The following IST1 variants were observed in gnomAD, a reference collection of about 807,000 sequenced individuals.
IST1 encodes IST1 homolog.
Under a neutral mutation model 37.0 loss-of-function variants are expected in IST1, and 23 were observed. The observed-to-expected ratio is 0.62, with a 90% confidence interval of 0.45 to 0.88. The LOEUF (loss-of-function observed/expected upper bound fraction) is 0.88, where lower values mean the gene tolerates loss of function less well. IST1 is among the 40% of genes least tolerant of loss of function. The probability of loss-of-function intolerance (pLI) is 0.00; values close to 1 mark genes in which losing one functional copy is unlikely to be tolerated. For synonymous variants in IST1, 180 were observed against 161.7 expected, an observed-to-expected ratio of 1.11 and a Z score of -0.86; for missense variants, 488 against 445.4, an observed-to-expected ratio of 1.10 and a Z score of -0.86.
chr16:71,901,150 T>G (rs2037098602), intron 1 of IST1, among the ~76,000 whole-genome samples: 1 of 152,218 alleles, frequency 6.6e-6, no homozygotes, highest in Admixed American at 6.5e-5. Context: ...TAACAAAGTT[T>G]ATGTTATGTT....
chr16:71,931,015 T>C lies in IST1; in HGVS notation c.*3202T>C, dbSNP rs916773854. On this transcript the variant is annotated 3_prime_UTR_variant, in exon 10 of 10. Transcript: ENST00000378799. ...TCAACCAGATAATGTGGGCAATCTCTGAGTTTGTGATACAAGACTTATTTC... is the reference window on the plus strand; with the variant it reads ...TCAACCAGATAATGTGGGCAATCTCCGAGTTTGTGATACAAGACTTATTTC... The C allele has an allele frequency of 2.6e-5, 4 of 152,252 alleles. No homozygotes were observed. The highest frequency in any genetic ancestry group is 5.9e-5 in the Non-Finnish European group (4 of 68,044). The allele number at this position is 152,252 out of a possible 1,614,324, so 9.4% of individuals were successfully genotyped here. A position where few individuals can be genotyped will look rare whatever the true frequency, so the allele number is the denominator to read the frequency against.
chr16:71,905,769 C>T (rs561464818), intron 1 of IST1, among the ~76,000 whole-genome samples: 8 of 152,312 alleles, frequency 5.3e-5, no homozygotes, highest in African/African-American at 1.9e-4. Flanking sequence ...GATCTCTTTA[C>T]CCTTCTTCCC....
chr16:71,930,237 C>G lies in IST1; in HGVS notation c.*2424C>G, dbSNP rs1460178474. The G allele has an allele frequency of 1.4e-6, 2 of 1,471,334 alleles. No homozygotes were observed. The highest frequency in any genetic ancestry group is 1.4e-5 in the African/African-American group (1 of 70,510). 91.1% of individuals were successfully genotyped at this position (1,471,334 alleles called of 1,614,324 possible). The stretch of plus-strand genomic sequence containing the variant: ...GACTGACAATTTAGTTTATACTTTA[C>G]AAACATAAGCTATATGCTAGTGTTT... On this transcript the variant is annotated 3_prime_UTR_variant, in exon 10 of 10. Transcript: ENST00000378799.
At chr16:71,895,730 T>G (rs1161227731) in intron 1 of IST1, 141 bp downstream of exon 1, 2 of 210,586 alleles carry the variant, frequency 9.5e-6, no homozygotes, top group Non-Finnish European at 1.6e-5. Flanking sequence ...GGAAGGATAG[T>G]GGAAGTGGGG....
At position 71,916,648 on chromosome 16, in the gene IST1, A is replaced by G; in HGVS notation, c.269+6A>G. Reference sequence around the variant, plus strand: ...GGCCTTATCCAGTCTATGAAGTAAGATATTTTGATTCAGAGACCTAAATCA... The same window carrying G: ...GGCCTTATCCAGTCTATGAAGTAAGGTATTTTGATTCAGAGACCTAAATCA... On this transcript the variant is annotated splice_donor_region_variant and intron_variant, in intron 3 of 9. Coordinates refer to ENST00000378799, the MANE Select transcript of IST1 (RefSeq NM_001270975.2). 6.2e-7 allele frequency: 1 copy of G among 1,604,084 alleles called. No homozygotes were observed. Among genetic ancestry groups the G allele is most frequent in the Non-Finnish European group, 8.5e-7 (1 of 1,174,840 alleles).
intron 1 of IST1, among the ~76,000 whole-genome samples, chr16:71,903,417 T>C (rs1045274000): frequency 3.9e-5 from 6 of 152,218 alleles, no homozygotes; most frequent in African/African-American, 1.4e-4. Flanking sequence ...ACTTGAAGCT[T>C]TCTCTTTGAC....
intron 1 of IST1, among the ~76,000 whole-genome samples, chr16:71,907,520 G>T (rs980029195): frequency 1.3e-5 from 2 of 151,952 alleles, no homozygotes; most frequent in African/African-American, 4.8e-5. Context: ...CTCGTGATCC[G>T]CCCGCCTCGG....
intron 1 of IST1, among the ~76,000 whole-genome samples, chr16:71,896,986 AG>A (rs950837864): frequency 1.3e-4 from 19 of 150,568 alleles, no homozygotes; most frequent in African/African-American, 4.6e-4. Context: ...AAAAAAAAAA[AG>A]AAATTAAAAC....
intron 9 of IST1, among the ~76,000 whole-genome samples, chr16:71,927,236 A>C (rs2037765526): frequency 6.6e-6 from 1 of 152,192 alleles, no homozygotes; most frequent in Non-Finnish European, 1.5e-5. Flanking sequence ...GCGGTGGCTC[A>C]CACCTGTAAT....
upstream of IST1, chr16:71,894,698 CT>C (rs35889170): frequency 0.088 from 38,455 of 439,160 alleles, 1 homozygote; most frequent in Non-Finnish European, 0.1. Context: ...TAATTTTTAA[CT>C]TTTTTTTTTT....
At chr16:71,894,432 G>C (rs1223490105), upstream of IST1, 1 of 160,554 alleles carries the variant, frequency 6.2e-6, no homozygotes, top group East Asian at 1.8e-4. Flanking sequence ...CTTTAGTAGA[G>C]ACGGGGTTCC....
intron 9 of IST1, among the ~76,000 whole-genome samples, chr16:71,927,197 C>T (rs1338240447): frequency 6.6e-6 from 1 of 152,116 alleles, no homozygotes; most frequent in African/African-American, 2.4e-5. Context: ...GTTTATTAGC[C>T]TCTAGAATTA....
At chr16:71,921,763 AG>A in intron 6 of IST1, 1 of 280,206 alleles carries the variant, frequency 3.6e-6, no homozygotes, top group South Asian at 4.3e-5. Context: ...AGACCCAAAC[AG>A]TTCCCGAAAC....
chr16:71,929,368 GT>G lies in IST1; in HGVS notation c.*1557del. The G allele has an allele frequency of 4.8e-6, 3 of 628,690 alleles. No individual in the cohort carries two copies. The highest frequency in any genetic ancestry group is 7.7e-6 in the Non-Finnish European group (3 of 391,000). 38.9% of individuals were successfully genotyped at this position (628,690 alleles called of 1,614,324 possible). On this transcript the variant is annotated 3_prime_UTR_variant, in exon 10 of 10. Transcript: ENST00000378799. ...GTTTGTCTCGTAGTATTCTTGCATT[GT>G]TAATCCTATCTTGACAGTGCCAAGA... is the stretch of plus-strand genomic sequence containing the variant.
chr16:71,922,528 G>A lies in IST1; in HGVS notation c.607G>A (p.Asp203Asn). The change falls in exon 7 of 10, where the codon GAT becomes AAT. Residue 203 changes from aspartate (D) to asparagine (N), a missense_variant. Asp to Asn is a conservative substitution (Grantham distance 23, BLOSUM62 1). Coordinates refer to ENST00000378799, the MANE Select transcript of IST1 (RefSeq NM_001270975.2). ...TDLIDVGFTD[D>N]VKKGGPGRGG... Reference sequence around the variant, plus strand: ...TCTTATTGATGTTGGATTCACAGATGATGTGAAGAAAGGAGGCCCTGGAAG... The same window carrying A: ...TCTTATTGATGTTGGATTCACAGATAATGTGAAGAAAGGAGGCCCTGGAAG... 3 of 1,614,182 alleles carry A rather than the reference G, an allele frequency of 1.9e-6. No homozygotes were observed. Among genetic ancestry groups the A allele is most frequent in the Non-Finnish European group, 8.5e-7 (1 of 1,179,984 alleles).
chr16:71,904,908 T>C (rs1019994142), intron 1 of IST1, among the ~76,000 whole-genome samples: 1 of 152,240 alleles, frequency 6.6e-6, no homozygotes, highest in Non-Finnish European at 1.5e-5. Context: ...TGTTTGAGTT[T>C]AGGTCTACAT....
In IST1 at chr16:71,905,714, T is replaced by G. The variant is rs148147989; in HGVS notation, c.-15-9912T>G. On this transcript the variant is annotated intron_variant, in intron 1 of 9. Transcript: ENST00000378799. ...TTCATAGGCTACTTCCAGTCAATGT[T>G]TTTCCACTTCTCATGGAGTATGAAA... Among the ~76,000 whole-genome samples the G allele has an allele frequency of 2.6e-4, 39 of 152,306 alleles. No individual in the cohort carries two copies. The East Asian group carries it at 6.0e-3, about 23-fold the overall frequency.
At chr16:71,918,417 CTTTT>C (rs71695136) in intron 4 of IST1, among the ~76,000 whole-genome samples, 4 of 115,324 alleles carry the variant, frequency 3.5e-5, no homozygotes, top group Admixed American at 9.0e-5. Context: ...CTTATGTAGG[CTTTT>C]TTTTTTTTTT....
intron 9 of IST1, 56 bp downstream of exon 9, chr16:71,924,873 T>C: frequency 8.2e-7 from 1 of 1,223,256 alleles, no homozygotes. Context: ...TCTGCTGTTT[T>C]CTCATTATTG....
Sources: gnomAD v4.1 joint callset for allele counts (sites outside exome capture counted in the v4.1 genomes callset) on GRCh38, gnomAD v4.1.1 for gene constraint, MANE v1.5 for transcripts, NCBI Gene and HGNC (gene_info 2026-07-23, HGNC 2026-07-21) for gene names.